MINK1: variants seen among roughly 807,000 people sequenced by gnomAD.
MINK1 encodes the protein misshapen like kinase 1, also known as misshapen-like kinase 1.
MINK1 carries 46 observed loss-of-function variants against 178.4 expected under a neutral mutation model. That is an observed-to-expected ratio of 0.26 (90% CI 0.20 to 0.33). The LOEUF is 0.33. MINK1 is among the 10% of genes least tolerant of loss of function. The probability of loss-of-function intolerance (pLI) is 1.00; values close to 1 mark genes in which losing one functional copy is unlikely to be tolerated. For synonymous variants in MINK1, 797 were observed against 709.7 expected (o/e 1.12, Z -1.96); for missense variants, 1,366 against 1,814.9 (o/e 0.75, Z 4.49).
At chr17:4,858,312 A>C (rs1044156558) in intron 1 of MINK1, among the ~76,000 whole-genome samples, 1 of 152,092 alleles carries the variant, frequency 6.6e-6, no homozygotes, top group Non-Finnish European at 1.5e-5. Flanking sequence ...AGGGCCTCCC[A>C]GGCCAGCTCA....
In MINK1 at chr17:4,896,744, C is replaced by A. The variant is rs895585996; in HGVS notation, c.3846C>A (p.Gly1282=). ...TTGAGATCCGCTCTGTGGAGACGGG[C>A]CACCTCGACGGGGTCTTCATGCACA... The part of the protein sequence containing the change: ...KAIEIRSVET[G]HLDGVFMHKR... The change falls in exon 31 of 32, where the codon GGC becomes GGA. Residue 1282 remains glycine, a synonymous_variant. Transcript: ENST00000355280. The surrounding 1 kb of genome is among the most constrained non-coding windows in gnomAD (Gnocchi z 4.6). 6.2e-7 allele frequency: 1 copy of A among 1,601,984 alleles called. No homozygotes were observed. The highest frequency in any genetic ancestry group is 1.7e-4 in the Middle Eastern group (1 of 6,002).
At chr17:4,871,333 G>A (rs1481990759) in intron 1 of MINK1, among the ~76,000 whole-genome samples, 2 of 151,754 alleles carry the variant, frequency 1.3e-5, no homozygotes, top group East Asian at 3.9e-4. Context: ...TGGGACTACA[G>A]GTACATGCCA....
chr17:4,875,986 G>A (rs373996204), intron 1 of MINK1, among the ~76,000 whole-genome samples: 6 of 151,712 alleles, frequency 4.0e-5, no homozygotes, highest in Non-Finnish European at 7.4e-5. Context: ...TAGTAGAGAC[G>A]GGGTTTCACC....
intron 31 of MINK1, 46 bp from the exon 32 acceptor site, chr17:4,897,158 C>A: frequency 1.3e-6 from 2 of 1,530,232 alleles, no homozygotes; most frequent in South Asian, 1.1e-5. Context: ...GTTGAGACAC[C>A]CCCCCAACCT....
chr17:4,842,673 T>C (rs1261124406), intron 1 of MINK1, among the ~76,000 whole-genome samples: 2 of 152,224 alleles, frequency 1.3e-5, no homozygotes, highest in East Asian at 3.8e-4. Flanking sequence ...TAGTCTTTAG[T>C]TCTAAGTGAC....
intron 1 of MINK1, chr17:4,857,502 T>G (rs1597426531): frequency 7.4e-6 from 1 of 134,848 alleles, no homozygotes; most frequent in East Asian, 2.2e-4. Flanking sequence ...AGTGTCACTC[T>G]GTAGCCCAAG....
intron 2 of MINK1, among the ~76,000 whole-genome samples, chr17:4,878,743 A>T (rs1967426313): frequency 6.6e-6 from 1 of 152,172 alleles, no homozygotes. Flanking sequence ...TCCCCAGACC[A>T]CAAAGAGACC....
chr17:4,876,022 C>T (rs996612524), intron 1 of MINK1, among the ~76,000 whole-genome samples: 1 of 151,936 alleles, frequency 6.6e-6, no homozygotes, highest in Non-Finnish European at 1.5e-5. Context: ...GTCTCGATAC[C>T]CTGACCCCTT....
intron 1 of MINK1, among the ~76,000 whole-genome samples, chr17:4,835,820 G>C (rs953650220): frequency 6.6e-6 from 1 of 151,986 alleles, no homozygotes; most frequent in Non-Finnish European, 1.5e-5. Context: ...TGGACTTCTC[G>C]GCTTGAAGCA....
At chr17:4,866,395 A>G (rs2150917690) in intron 1 of MINK1, among the ~76,000 whole-genome samples, 1 of 151,746 alleles carries the variant, frequency 6.6e-6, no homozygotes, top group African/African-American at 2.4e-5. Context: ...TGAACTAGGA[A>G]GTTGGAGGTT....
Position 4,833,346 on chromosome 17 carries a change from C to T in MINK1, c.-238C>T, listed in dbSNP as rs1400417480. On this transcript the variant is annotated 5_prime_UTR_variant, in exon 1 of 32. Coordinates refer to ENST00000355280, the MANE Select transcript of MINK1 (RefSeq NM_153827.5). This position sits in a 1 kb window ranked among gnomAD's most constrained non-coding sequence, Gnocchi z 4.8. Reference sequence around the variant, plus strand: ...CTCGCGCTTCCACCCTCCCAGTGCGCGGTCGCTCCGCGCCTGCGCAGGAGA... The same window carrying T: ...CTCGCGCTTCCACCCTCCCAGTGCGTGGTCGCTCCGCGCCTGCGCAGGAGA... The T allele has an allele frequency of 2.0e-5, 9 of 444,466 alleles. No homozygotes were observed. Among genetic ancestry groups the T allele is most frequent in the South Asian group, 3.4e-5 (1 of 29,552 alleles). 27.5% of individuals were successfully genotyped at this position (444,466 alleles called of 1,614,324 possible). A position where few individuals can be genotyped will look rare whatever the true frequency, so the allele number is the denominator to read the frequency against.
rs1326071476 is a variant in MINK1, at chr17:4,885,610, C to T, written c.636C>T (p.Tyr212=). The T allele has an allele frequency of 1.2e-6, 2 of 1,613,768 alleles. No individual in the cohort carries two copies. The highest frequency in any genetic ancestry group is 1.7e-6 in the Non-Finnish European group (2 of 1,179,872). ...AGAACCCTGATGCCACCTATGATTA[C>T]AGGGTATGGAGTGGAAAGTTGGGAG... The part of the protein sequence containing the change: ...CDENPDATYD[Y]RSDIWSLGIT... Residue 212 remains tyrosine, a synonymous_variant, in exon 7 of 32, where the codon TAC becomes TAT. Coordinates refer to ENST00000355280, the MANE Select transcript of MINK1 (RefSeq NM_153827.5). The surrounding 1 kb of genome is among the most constrained non-coding windows in gnomAD (Gnocchi z 5.0).
chr17:4,896,903 G>C lies in MINK1; in HGVS notation c.3915+90G>C. On this transcript the variant is annotated intron_variant, in intron 31 of 31. Coordinates refer to ENST00000355280, the MANE Select transcript of MINK1 (RefSeq NM_153827.5). This position sits in a 1 kb window ranked among gnomAD's most constrained non-coding sequence, Gnocchi z 4.6. Reference sequence around the variant, plus strand: ...AGAGTTCTGGGGAGAGGATGGTGGTGGTGGCTTCCTGAAAGCGGGCCCCTC... The same window carrying C: ...AGAGTTCTGGGGAGAGGATGGTGGTCGTGGCTTCCTGAAAGCGGGCCCCTC... 6.8e-7 allele frequency: 1 copy of C among 1,464,448 alleles called. No individual in the cohort carries two copies. Among genetic ancestry groups the C allele is most frequent in the Non-Finnish European group, 9.0e-7 (1 of 1,105,438 alleles). The allele number at this position is 1,464,448 out of a possible 1,614,324, so 90.7% of individuals were successfully genotyped here.
chr17:4,867,186 C>T (rs1449300129), intron 1 of MINK1, among the ~76,000 whole-genome samples: 2 of 126,782 alleles, frequency 1.6e-5, no homozygotes, highest in Non-Finnish European at 3.1e-5. Flanking sequence ...CTTGCTCTGT[C>T]ATCCAGGCTG....
intron 1 of MINK1, among the ~76,000 whole-genome samples, chr17:4,839,698 C>G (rs1401131049): frequency 6.6e-6 from 1 of 152,018 alleles, no homozygotes; most frequent in Middle Eastern, 3.2e-3. Flanking sequence ...TTTTGAGGCT[C>G]TTTGTTCTTA....
chr17:4,896,211 C>A lies in MINK1; in HGVS notation c.3484C>A (p.His1162Asn). Residue 1162 changes from histidine (H) to asparagine (N), a missense_variant, in exon 29 of 32, where the codon CAC becomes AAC. Physicochemically the swap from His to Asn is moderately conservative, Grantham distance 68. Around this residue, in one of 14 missense-constraint regions of MINK1, gnomAD observed 201 missense variants for 240.7 expected, o/e 0.84. Transcript: ENST00000355280. The surrounding 1 kb of genome is among the most constrained non-coding windows in gnomAD (Gnocchi z 4.6). The part of the protein sequence containing the change: ...MAFKSFADLP[H>N]RPLLVDLTVE... The stretch of plus-strand genomic sequence containing the variant: ...TCTGCAGTCCTTTGCCGACCTCCCC[C>A]ACCGCCCTCTGCTGGTCGACCTGAC... The A allele has an allele frequency of 1.3e-6, 2 of 1,599,646 alleles. No individual in the cohort carries two copies. Among genetic ancestry groups the A allele is most frequent in the Non-Finnish European group, 1.7e-6 (2 of 1,172,314 alleles).
At chr17:4,888,690 CTTTTTT>C (rs35392409) in intron 12 of MINK1, among the ~76,000 whole-genome samples, 1 of 87,882 alleles carries the variant, frequency 1.1e-5, no homozygotes, top group African/African-American at 4.2e-5. Flanking sequence ...AAAGTCCTAT[CTTTTTT>C]TTTTTTTTTT....
At chr17:4,891,202 A>ACACC in intron 15 of MINK1, 78 bp downstream of exon 15, 2 of 232,548 alleles carry the variant, frequency 8.6e-6, no homozygotes, top group South Asian at 8.1e-5. Context: ...ACACGCGCGC[A>ACACC]CACACACACA....
At chr17:4,871,030 C>A (rs1406931561) in intron 1 of MINK1, 1 of 330,482 alleles carries the variant, frequency 3.0e-6, no homozygotes. Context: ...TCTCTTTAGA[C>A]TTGCCTATTC....
Sources: allele counts gnomAD v4.1 joint callset (sites outside exome capture counted in the v4.1 genomes callset), GRCh38; gene constraint gnomAD v4.1.1; regional missense constraint gnomAD v4.1.1; non-coding constraint Gnocchi (gnomAD v3.1); transcripts MANE v1.5; gene names NCBI Gene and HGNC (gene_info 2026-07-23, HGNC 2026-07-21).